WDPCP: variants seen among roughly 807,000 people sequenced by gnomAD.
WDPCP encodes the protein WD repeat containing planar cell polarity effector.
WDPCP carries 71 observed loss-of-function variants against 93.1 expected under a neutral mutation model. That is an observed-to-expected ratio of 0.76 (90% CI 0.63 to 0.93). WDPCP has a LOEUF of 0.93. Among genes scored for constraint, WDPCP ranks in the 40% least tolerant of loss-of-function variants. The pLI, the probability that WDPCP is intolerant of heterozygous loss-of-function variation, is 0.00. For missense variants in WDPCP, 844 were observed against 887.4 expected (o/e 0.95, Z 0.62); for synonymous variants, 315 against 315.0 (o/e 1.00, Z 0.00).
chr2:63,716,361 G>A (rs1202558274), intron 2 of WDPCP, among the ~76,000 whole-genome samples: 2 of 152,200 alleles, frequency 1.3e-5, no homozygotes, highest in East Asian at 3.9e-4. Flanking sequence ...ATTGCAGTAA[G>A]CTCCTCCCTA....
intron 9 of WDPCP, among the ~76,000 whole-genome samples, chr2:63,419,148 GT>G (rs1214339099): frequency 6.6e-6 from 1 of 152,042 alleles, no homozygotes; most frequent in Non-Finnish European, 1.5e-5. Flanking sequence ...TTTTGTTTTT[GT>G]TTTTGTTTTT....
In WDPCP at chr2:63,659,374, T is replaced by C. The variant is rs936290064; in HGVS notation, n.309-8536A>G. On this transcript the variant is annotated intron_variant and non_coding_transcript_variant, in intron 2 of 4. Coordinates refer to the WDPCP transcript ENST00000467687. ...ACCTTATTCGGAAAAGAGGACTTTA[T>C]AGATGTGATATTAAGTTAAGCATCT... Among the ~76,000 whole-genome samples, 4 of 152,240 alleles carry C rather than the reference T, an allele frequency of 2.6e-5. No homozygotes were observed. The South Asian group carries it at 8.3e-4, about 31-fold the overall frequency.
rs187904292 is a variant in WDPCP, at chr2:63,237,775, C to T, written c.1915+21532G>A. Among the ~76,000 whole-genome samples the T allele has an allele frequency of 1.6e-3, 238 of 151,846 alleles. 2 individuals carry two copies. The highest frequency in any genetic ancestry group is 2.3e-3 in the Non-Finnish European group (159 of 67,916). ...TCTTATAAAGTAGGAGCAGCTAAAC[C>T]CTGGGTATACACAGATGTAAATATG... On this transcript the variant is annotated intron_variant, in intron 14 of 17. Coordinates refer to ENST00000272321, the MANE Select transcript of WDPCP (RefSeq NM_015910.7).
intron 2 of WDPCP, among the ~76,000 whole-genome samples, chr2:63,690,700 C>T (rs1668876847): frequency 1.3e-5 from 2 of 152,070 alleles, no homozygotes; most frequent in Non-Finnish European, 2.9e-5. Flanking sequence ...ATGATCGTGC[C>T]ACTTCACTTC....
chr2:63,128,296 C>G (rs1266131699), intron 17 of WDPCP, among the ~76,000 whole-genome samples: 2 of 152,242 alleles, frequency 1.3e-5, no homozygotes, highest in East Asian at 3.9e-4. Flanking sequence ...TACCTAGAAA[C>G]TCACTCAAAC....
chr2:63,259,274 T>G, intron 14 of WDPCP, 33 bp downstream of exon 14: 5 of 1,548,186 alleles, frequency 3.2e-6, no homozygotes, highest in Non-Finnish European at 4.5e-6. Flanking sequence ...TTGATTAAAA[T>G]AAAAAGCACT....
At chr2:63,295,333 A>T (rs1287724475) in intron 13 of WDPCP, among the ~76,000 whole-genome samples, 1 of 152,254 alleles carries the variant, frequency 6.6e-6, no homozygotes, top group East Asian at 1.9e-4. Flanking sequence ...TCAAACTTCC[A>T]ATCAAAAGAC....
chr2:63,232,674 T>G (rs6718609), intron 14 of WDPCP: 26,815 of 152,980 alleles, frequency 0.18, 2,561 homozygotes, highest in Middle Eastern at 0.23. Flanking sequence ...TTTTGTCTTT[T>G]CCTCTTATGA....
At chr2:63,249,810 G>A (rs981514890) in intron 14 of WDPCP, among the ~76,000 whole-genome samples, 10 of 152,124 alleles carry the variant, frequency 6.6e-5, no homozygotes, top group Admixed American at 2.6e-4. Flanking sequence ...AGATATTACC[G>A]AATCTGATGG....
At position 63,183,093 on chromosome 2, in the gene WDPCP, T is replaced by A. The variant is rs1445695553; in HGVS notation, c.1916-8261A>T. Among the ~76,000 whole-genome samples the A allele has an allele frequency of 6.6e-5, 10 of 151,974 alleles. No homozygotes were observed. The East Asian group carries it at 1.9e-3, about 29-fold the overall frequency. On this transcript the variant is annotated intron_variant, in intron 14 of 17. Transcript: ENST00000272321. The stretch of plus-strand genomic sequence containing the variant: ...ATTTTATCAACGAACCAACTTTCTG[T>A]TTCTTTGACCCTTTATAATGTTCTT...
chr2:63,584,770 A>G (rs1708729994), intron 1 of WDPCP, among the ~76,000 whole-genome samples: 2 of 152,190 alleles, frequency 1.3e-5, no homozygotes, highest in Non-Finnish European at 2.9e-5. Flanking sequence ...ATGAAGATTT[A>G]TAGAGACCAG....
intron 1 of WDPCP, among the ~76,000 whole-genome samples, chr2:63,535,065 T>A (rs1452011757): frequency 6.6e-6 from 1 of 152,056 alleles, no homozygotes; most frequent in Non-Finnish European, 1.5e-5. Context: ...TATACACCAA[T>A]AATAGACAAA....
At chr2:63,351,393 C>T (rs1284437516) in intron 12 of WDPCP, among the ~76,000 whole-genome samples, 2 of 151,860 alleles carry the variant, frequency 1.3e-5, no homozygotes, top group Non-Finnish European at 2.9e-5. Context: ...GAACCTAATA[C>T]CTGATAGGTA....
intron 14 of WDPCP, among the ~76,000 whole-genome samples, chr2:63,231,546 C>T (rs57358712): frequency 0.029 from 4,413 of 152,024 alleles, 191 homozygotes; most frequent in African/African-American, 0.097. Context: ...ACAGACAAGC[C>T]GAGAGCCAAA....
intron 14 of WDPCP, among the ~76,000 whole-genome samples, chr2:63,232,260 C>T (rs1678974415): frequency 6.6e-6 from 1 of 152,190 alleles, no homozygotes; most frequent in Non-Finnish European, 1.5e-5. Flanking sequence ...CCATTCAGAC[C>T]ATAGGCATGG....
intron 14 of WDPCP, 48 bp from the exon 15 acceptor site, chr2:63,174,880 G>A: frequency 6.3e-7 from 1 of 1,580,778 alleles, no homozygotes; most frequent in Non-Finnish European, 8.7e-7. Context: ...TACAATTTCT[G>A]CTAACTCCCT....
At chr2:63,382,554 T>C (rs1197247915) in intron 10 of WDPCP, among the ~76,000 whole-genome samples, 3 of 152,134 alleles carry the variant, frequency 2.0e-5, no homozygotes, top group African/African-American at 4.8e-5. Flanking sequence ...TCTAAAAAAC[T>C]TCCTCTCAGT....
chr2:63,131,633 C>G (rs145153783), intron 17 of WDPCP, among the ~76,000 whole-genome samples: 1 of 152,038 alleles, frequency 6.6e-6, no homozygotes, highest in East Asian at 1.9e-4. Context: ...TCTATAGTTG[C>G]CCATATGTTT....
intron 9 of WDPCP, among the ~76,000 whole-genome samples, chr2:63,422,309 G>A (rs1200071976): frequency 6.6e-6 from 1 of 152,124 alleles, no homozygotes; most frequent in Non-Finnish European, 1.5e-5. Context: ...GGCCTAAGAT[G>A]GGACAATCTG....
Sources: gnomAD v4.1 joint callset for allele counts (sites outside exome capture counted in the v4.1 genomes callset) on GRCh38, gnomAD v4.1.1 for gene constraint, MANE v1.5 for transcripts, NCBI Gene and HGNC (gene_info 2026-07-23, HGNC 2026-07-21) for gene names.